NCAPD3: variants seen among roughly 807,000 people sequenced by gnomAD.
NCAPD3 encodes condensin-2 complex subunit D3.
Under a neutral mutation model 182.9 loss-of-function variants are expected in NCAPD3, and 105 were observed. That is an observed-to-expected ratio of 0.57 (90% CI 0.49 to 0.68). The LOEUF (loss-of-function observed/expected upper bound fraction) is 0.68. NCAPD3 is among the 30% of genes least tolerant of loss of function. The pLI is 0.00. For synonymous variants in NCAPD3, 815 were observed against 679.9 expected (o/e 1.20, Z -3.09); for missense variants, 1,944 against 1,837.0 (o/e 1.06, Z -1.07).
chr11:134,191,649 G>A lies in NCAPD3; in HGVS notation c.2045+1040C>T, dbSNP rs150911477. ...TAATACATAGAGCATGCATAAGGAG[G>A]TATCTCTAAGAAAAGTGAAAAAGCA... On this transcript the variant is annotated intron_variant, in intron 16 of 34. Coordinates refer to ENST00000534548, the MANE Select transcript of NCAPD3 (RefSeq NM_015261.3). Among the ~76,000 whole-genome samples, 3 of 152,274 alleles carry A rather than the reference G, an allele frequency of 2.0e-5. No homozygotes were observed. The East Asian group carries it at 5.8e-4, about 29-fold the overall frequency.
Position 134,168,070 on chromosome 11 carries a change from G to A in NCAPD3, c.3499C>T (p.Leu1167Phe), listed in dbSNP as rs1943909755. The stretch of plus-strand genomic sequence containing the variant: ...GCCATGTCATCTTCTTCCATAAGGA[G>A]GTCTTTGTCTGGTTTAGATCTCATT... ...LAMRSKPDKDLLMEEDDMALA... is the reference protein window; with the variant it reads ...LAMRSKPDKDFLMEEDDMALA... The change falls in exon 27 of 35, where the codon CTC becomes TTC. Residue 1167 changes from leucine to phenylalanine, a missense_variant. This residue lies in a region of NCAPD3 where 1,803 missense variants were observed against 1,674.6 expected (regional missense o/e 1.08). Transcript: ENST00000534548. The A allele has an allele frequency of 1.9e-6, 3 of 1,614,048 alleles. No homozygotes were observed. Among genetic ancestry groups the A allele is most frequent in the Non-Finnish European group, 2.5e-6 (3 of 1,180,008 alleles).
At chr11:134,220,551 A>G (rs1338008230) in intron 2 of NCAPD3, 21 bp downstream of exon 2, 1 of 1,597,638 alleles carries the variant, frequency 6.3e-7, no homozygotes, top group East Asian at 2.2e-5. Context: ...AACTTTGGCT[A>G]GTTTGTTTTT....
At chr11:134,158,708 G>A (rs548293918) in intron 29 of NCAPD3, among the ~76,000 whole-genome samples, 2 of 152,032 alleles carry the variant, frequency 1.3e-5, no homozygotes, top group Non-Finnish European at 2.9e-5. Context: ...TATGTACTTT[G>A]AAATATACAG....
In NCAPD3 at chr11:134,181,121, C is replaced by T. The variant is rs765789751; in HGVS notation, c.2515G>A (p.Val839Ile). Residue 839 changes from valine (V) to isoleucine (I), a missense_variant, in exon 20 of 35, where the codon GTT becomes ATT. By Grantham distance (29) the Val-to-Ile change is conservative. Coordinates refer to ENST00000534548, the MANE Select transcript of NCAPD3 (RefSeq NM_015261.3). ...TTCCCTGTTCCATTCTCCTTGAGAA[C>T]GATGTTGGAGAGGCGGTGCTCGCAG... ...STCEHRLSNI[V>I]LKENGTGNMD... 12 of 1,613,988 alleles carry T rather than the reference C, an allele frequency of 7.4e-6. No homozygotes were observed. The highest frequency in any genetic ancestry group is 4.0e-5 in the African/African-American group (3 of 74,928).
intron 24 of NCAPD3, among the ~76,000 whole-genome samples, chr11:134,171,362 C>A (rs1944002313): frequency 6.6e-6 from 1 of 152,116 alleles, no homozygotes; most frequent in Admixed American, 6.5e-5. Context: ...TTCAAACAGC[C>A]CAAAAGGCCA....
chr11:134,225,105 G>T, upstream of NCAPD3: 1 of 1,585,196 alleles, frequency 6.3e-7, no homozygotes. Flanking sequence ...ACCGAGACCC[G>T]CCCGGCCCGG....
At chr11:134,153,575 G>A (rs1182789570) in intron 32 of NCAPD3, 11 of 591,422 alleles carry the variant, frequency 1.9e-5, no homozygotes, top group African/African-American at 1.1e-4. Context: ...TCTCTGACCC[G>A]CAGCCCTCAG....
intron 32 of NCAPD3, among the ~76,000 whole-genome samples, chr11:134,155,672 C>G (rs1445698081): frequency 6.6e-6 from 1 of 152,172 alleles, no homozygotes; most frequent in East Asian, 1.9e-4. Flanking sequence ...AAATGAGATG[C>G]GTTCTCCCCG....
At chr11:134,157,369 T>C (rs1056734170) in intron 31 of NCAPD3, among the ~76,000 whole-genome samples, 2 of 152,228 alleles carry the variant, frequency 1.3e-5, no homozygotes, top group African/African-American at 4.8e-5. Context: ...TAAATATCCA[T>C]GGCCTTTGAC....
rs936160291 is a variant in NCAPD3, at chr11:134,151,520, TAGAG to T, written c.*1420_*1423del. 5 of 152,184 alleles carry T rather than the reference TAGAG, an allele frequency of 3.3e-5. No individual in the cohort carries two copies. The highest frequency in any genetic ancestry group is 2.1e-4 in the South Asian group (1 of 4,822). The allele number at this position is 152,184 out of a possible 1,614,324, so 9.4% of individuals were successfully genotyped here. ...GCCATGGGAACCAGGTCTGAAAAAG[TAGAG>T]AGAAGTGAAAGTAGAGTCTGGGAAG... On this transcript the variant is annotated 3_prime_UTR_variant, in exon 35 of 35. Transcript: ENST00000534548.
chr11:134,168,825 G>A lies in NCAPD3; in HGVS notation c.3239+92C>T, dbSNP rs535108769. On this transcript the variant is annotated intron_variant, in intron 25 of 34. Coordinates refer to ENST00000534548, the MANE Select transcript of NCAPD3 (RefSeq NM_015261.3). The stretch of plus-strand genomic sequence containing the variant: ...AGTAAAGACCTGGGGCAGGGTCTGC[G>A]TCCAATCACTACATGCAAAGAGCCT... 238 of 1,488,088 alleles carry A rather than the reference G, an allele frequency of 1.6e-4. No homozygotes were observed. In the African/African-American group the frequency reaches 2.2e-3, roughly 14 times the overall value. The allele number at this position is 1,488,088 out of a possible 1,614,324, so 92.2% of individuals were successfully genotyped here. A position where few individuals can be genotyped will look rare whatever the true frequency, so the allele number is the denominator to read the frequency against.
chr11:134,176,320 G>T lies in NCAPD3; in HGVS notation c.3088C>A (p.Pro1030Thr). 1.2e-6 allele frequency: 2 copies of T among 1,613,806 alleles called. No homozygotes were observed. ...RFVSTLIDSH[P>T]DIASFGEFCL... ...GAAAAGATTTACCTGGCAATGTCTGGGTGTGAATCGATCAGAGTGCTGACA... is the reference window on the plus strand; with the variant it reads ...GAAAAGATTTACCTGGCAATGTCTGTGTGTGAATCGATCAGAGTGCTGACA... Residue 1030 changes from proline (P) to threonine (T), a missense_variant, in exon 24 of 35, where the codon CCA (proline) becomes ACA (threonine). Physicochemically the swap from Pro to Thr is conservative, Grantham distance 38 (BLOSUM62 -1). Around this residue, in one of 3 missense-constraint regions of NCAPD3, gnomAD observed 1,803 missense variants for 1,674.6 expected, o/e 1.08. Coordinates refer to ENST00000534548, the MANE Select transcript of NCAPD3 (RefSeq NM_015261.3).
At chr11:134,156,864 G>A in intron 32 of NCAPD3, 154 bp downstream of exon 32, 1 of 639,586 alleles carries the variant, frequency 1.6e-6, no homozygotes, top group Non-Finnish European at 2.7e-6. Context: ...AGCGACCGTG[G>A]TCACTGTGAA....
At chr11:134,161,542 C>G (rs571597891) in intron 28 of NCAPD3, among the ~76,000 whole-genome samples, 2 of 152,222 alleles carry the variant, frequency 1.3e-5, no homozygotes, top group Admixed American at 1.3e-4. Flanking sequence ...TAAGGGAAGA[C>G]GTGCTTGGCA....
chr11:134,224,969 C>T (rs1222621690), upstream of NCAPD3: 8 of 494,630 alleles, frequency 1.6e-5, no homozygotes, highest in Non-Finnish European at 2.1e-5. Flanking sequence ...TGTCCGTCGG[C>T]GCCCACTGCC....
chr11:134,176,724 G>A (rs1001662403), intron 23 of NCAPD3, among the ~76,000 whole-genome samples: 2 of 152,164 alleles, frequency 1.3e-5, no homozygotes, highest in East Asian at 1.9e-4. Flanking sequence ...CCCATTATAG[G>A]CCAAACATGG....
intron 17 of NCAPD3, 122 bp downstream of exon 17, chr11:134,185,213 C>T: frequency 3.1e-6 from 3 of 979,074 alleles, no homozygotes; most frequent in South Asian, 1.7e-5. Flanking sequence ...TGTTTTTATA[C>T]CAGGTTTTAA....
In NCAPD3 at chr11:134,158,251, G is replaced by C; in HGVS notation, c.4034+78C>G. 8 of 1,572,102 alleles carry C rather than the reference G, an allele frequency of 5.1e-6. 1 individual carries two copies. The South Asian group carries it at 9.1e-5, about 18-fold the overall frequency. On this transcript the variant is annotated intron_variant, in intron 30 of 34. Transcript: ENST00000534548. ...CAATGACAATGACTTTCCTGCCCAC[G>C]CTTGGGAATGGCAGGGACGCCTCTG...
intron 28 of NCAPD3, among the ~76,000 whole-genome samples, chr11:134,161,350 C>T (rs1255572307): frequency 2.0e-5 from 3 of 152,154 alleles, no homozygotes; most frequent in Non-Finnish European, 4.4e-5. Flanking sequence ...ATGGCAGCTC[C>T]GAAGGCAGCT....
Sources: gnomAD v4.1 joint callset for allele counts (sites outside exome capture counted in the v4.1 genomes callset) on GRCh38, gnomAD v4.1.1 for gene constraint, gnomAD v4.1.1 regional missense constraint, MANE v1.5 for transcripts, NCBI Gene and HGNC (gene_info 2026-07-23, HGNC 2026-07-21) for gene names.